The following MON1B variants were observed in gnomAD, a reference collection of about 807,000 sequenced individuals.
The protein encoded by MON1B is vacuolar fusion protein MON1 homolog B.
MON1B carries 26 observed loss-of-function variants against 45.1 expected under a neutral mutation model. The observed-to-expected ratio is 0.58, with a 90% CI of 0.42 to 0.80. The LOEUF is 0.80. MON1B is among the 30% of genes least tolerant of loss of function. The probability of loss-of-function intolerance (pLI) is 0.00; values close to 1 mark genes in which losing one functional copy is unlikely to be tolerated. For synonymous variants in MON1B, 395 were observed against 320.2 expected (o/e 1.23, Z -2.49); for missense variants, 737 against 754.5 (o/e 0.98, Z 0.27).
chr16:77,195,095 C>T lies in MON1B; in HGVS notation c.1236C>T (p.His412=), dbSNP rs202012796. The part of the protein sequence containing the change: ...VQAVGAPGLR[H]FLYKPLDIPD... ...CTGTCGGGGCGCCGGGCCTCCGGCACTTCCTGTATAAGCCGCTGGACATCC... is the reference window on the plus strand; with the variant it reads ...CTGTCGGGGCGCCGGGCCTCCGGCATTTCCTGTATAAGCCGCTGGACATCC... The change falls in exon 4 of 6, where the codon CAC becomes CAT. Residue 412 remains histidine (H), a synonymous_variant. Coordinates refer to ENST00000248248, the MANE Select transcript of MON1B (RefSeq NM_014940.4). 46 of 1,602,276 alleles carry T rather than the reference C, an allele frequency of 2.9e-5. No homozygotes were observed. The Admixed American group carries it at 6.2e-4, about 21-fold the overall frequency.
chr16:77,194,427 C>T lies in MON1B; in HGVS notation c.568C>T (p.Leu190=). The T allele has an allele frequency of 1.9e-6, 3 of 1,614,026 alleles. No homozygotes were observed. Among genetic ancestry groups the T allele is most frequent in the Middle Eastern group, 1.6e-4 (1 of 6,062 alleles). Residue 190 remains leucine, a synonymous_variant, in exon 4 of 6, where the codon CTG becomes TTG. Coordinates refer to ENST00000248248, the MANE Select transcript of MON1B (RefSeq NM_014940.4). The surrounding 1 kb of genome is among the most constrained non-coding windows in gnomAD (Gnocchi z 8.1). ...SQSAAQLRGE[L]LAVHAQIVST... ...GTCAGCAGCCCAGCTGCGGGGGGAG[C>T]TGCTAGCTGTGCACGCACAGATCGT...
intron 5 of MON1B, 76 bp downstream of exon 5, chr16:77,195,758 C>T: frequency 1.3e-6 from 2 of 1,551,006 alleles, no homozygotes; most frequent in Non-Finnish European, 1.8e-6. Flanking sequence ...CCCCTCCAGC[C>T]ACAGTGCCTC....
At chr16:77,197,644 G>A (rs1010958810) in intron 5 of MON1B, among the ~76,000 whole-genome samples, 1 of 152,086 alleles carries the variant, frequency 6.6e-6, no homozygotes, top group African/African-American at 2.4e-5. Context: ...GGGAGTGAAG[G>A]GGAGCGCTCT....
chr16:77,194,644 G>C lies in MON1B; in HGVS notation c.785G>C (p.Gly262Ala). Residue 262 changes from glycine (G) to alanine (A), a missense_variant, in exon 4 of 6, where the codon GGT (glycine) becomes GCT (alanine). By Grantham distance (60) the Gly-to-Ala change is moderately conservative. Transcript: ENST00000248248. This position sits in a 1 kb window ranked among gnomAD's most constrained non-coding sequence, Gnocchi z 8.1. ...GCCCGCCCGCTGCGAGACGCACTAGGTGCGCTCCTCCGACGTTGCACAGCG... is the reference window on the plus strand; with the variant it reads ...GCCCGCCCGCTGCGAGACGCACTAGCTGCGCTCCTCCGACGTTGCACAGCG... Reference protein sequence around the residue: ...PLARPLRDALGALLRRCTAPG... With the variant: ...PLARPLRDALAALLRRCTAPG... 6.2e-7 allele frequency: 1 copy of C among 1,613,828 alleles called. No homozygotes were observed. Among genetic ancestry groups the C allele is most frequent in the Non-Finnish European group, 8.5e-7 (1 of 1,179,914 alleles).
Position 77,191,467 on chromosome 16 carries a change from C to T in MON1B, c.-10-9C>T. On this transcript the variant is annotated splice_polypyrimidine_tract_variant and intron_variant, in intron 1 of 5. Coordinates refer to ENST00000248248, the MANE Select transcript of MON1B (RefSeq NM_014940.4). ...ACCGCCCGTCACCCTCGATTCCCCT[C>T]CCACTCAGGGATGTGCAGATGGAGG... 1 of 1,588,646 alleles carries T rather than the reference C, an allele frequency of 6.3e-7. No individual in the cohort carries two copies.
Position 77,193,489 on chromosome 16 carries a change from C to A in MON1B, c.187C>A (p.Pro63Thr). Residue 63 changes from proline to threonine, a missense_variant, in exon 3 of 6, where the codon CCG becomes ACG. Coordinates refer to ENST00000248248, the MANE Select transcript of MON1B (RefSeq NM_014940.4). This position sits in a 1 kb window ranked among gnomAD's most constrained non-coding sequence, Gnocchi z 5.0. ...DKDQPPSPSP[P>T]PQSEALSSTS... The stretch of plus-strand genomic sequence containing the variant: ...GGACCAGCCACCCAGCCCATCACCA[C>A]CGCCCCAGTCAGAGGCCCTGTCAAG... 5.7e-6 allele frequency: 9 copies of A among 1,592,402 alleles called. No individual in the cohort carries two copies. The highest frequency in any genetic ancestry group is 7.7e-6 in the Non-Finnish European group (9 of 1,167,432).
Position 77,195,699 on chromosome 16 carries a change from T to G in MON1B, c.1443+17T>G. ...CTGGCCTGGGTAAGTTGGGCAGGGC[T>G]CTGAGTGAATTAATTCCCCACTTCA... is the stretch of plus-strand genomic sequence containing the variant. On this transcript the variant is annotated intron_variant, in intron 5 of 5. Coordinates refer to ENST00000248248, the MANE Select transcript of MON1B (RefSeq NM_014940.4). 6.2e-7 allele frequency: 1 copy of G among 1,613,274 alleles called. No individual in the cohort carries two copies. Among genetic ancestry groups the G allele is most frequent in the Non-Finnish European group, 8.5e-7 (1 of 1,179,462 alleles).
In MON1B at chr16:77,194,122, T is replaced by C; in HGVS notation, c.476-213T>C. 1.6e-6 allele frequency: 1 copy of C among 639,226 alleles called. No individual in the cohort carries two copies. The highest frequency in any genetic ancestry group is 1.8e-5 in the South Asian group (1 of 55,460). The allele number at this position is 639,226 out of a possible 1,614,324, so 39.6% of individuals were successfully genotyped here. On this transcript the variant is annotated intron_variant, in intron 3 of 5. Transcript: ENST00000248248. The surrounding 1 kb of genome is among the most constrained non-coding windows in gnomAD (Gnocchi z 8.1). ...CTGCCCGTGGTCTTTGCTGTGTATC[T>C]AACCTACTTGTTCCTTTGTCCATCC...
In MON1B at chr16:77,199,427, T is replaced by C; in HGVS notation, c.*1119T>C. 1 of 1,551,078 alleles carries C rather than the reference T, an allele frequency of 6.4e-7. No individual in the cohort carries two copies. Among genetic ancestry groups the C allele is most frequent in the African/African-American group, 1.4e-5 (1 of 73,108 alleles). Reference sequence around the variant, plus strand: ...TTTTTAACCAGTCATCAAGCGAGGCTCGCGCGCAGGCCCCGCGTTGGAAAA... The same window carrying C: ...TTTTTAACCAGTCATCAAGCGAGGCCCGCGCGCAGGCCCCGCGTTGGAAAA... On this transcript the variant is annotated 3_prime_UTR_variant, in exon 6 of 6. Transcript: ENST00000248248.
In MON1B at chr16:77,199,458, G is replaced by A. The variant is rs1168096720; in HGVS notation, c.*1150G>A. ...GCAGGCCCCGCGTTGGAAAATGGCG[G>A]GGAAGCTGAAACCTCTGAATGTGGA... On this transcript the variant is annotated 3_prime_UTR_variant, in exon 6 of 6. Transcript: ENST00000248248. 10 of 1,551,422 alleles carry A rather than the reference G, an allele frequency of 6.4e-6. No individual in the cohort carries two copies. Among genetic ancestry groups the A allele is most frequent in the African/African-American group, 1.4e-5 (1 of 73,050 alleles).
chr16:77,201,805 T>A lies in MON1B; in HGVS notation c.*3497T>A, dbSNP rs1331424184. The A allele has an allele frequency of 6.6e-6, 1 of 152,230 alleles. No homozygotes were observed. Among genetic ancestry groups the A allele is most frequent in the East Asian group, 1.9e-4 (1 of 5,180 alleles). The allele number at this position is 152,230 out of a possible 1,614,324, so 9.4% of individuals were successfully genotyped here. A position where few individuals can be genotyped will look rare whatever the true frequency, so the allele number is the denominator to read the frequency against. On this transcript the variant is annotated 3_prime_UTR_variant, in exon 6 of 6. Transcript: ENST00000248248. ...AATGTATTAAATTATAAGTTCTAATTTAAATGTATTAAAATTAAATTATAA... is the reference window on the plus strand; with the variant it reads ...AATGTATTAAATTATAAGTTCTAATATAAATGTATTAAAATTAAATTATAA...
Position 77,200,113 on chromosome 16 carries a change from C to T in MON1B, c.*1805C>T, listed in dbSNP as rs1417169359. 2.7e-5 allele frequency: 4 copies of T among 150,650 alleles called. No homozygotes were observed. Among genetic ancestry groups the T allele is most frequent in the Non-Finnish European group, 5.9e-5 (4 of 67,638 alleles). 9.3% of individuals were successfully genotyped at this position (150,650 alleles called of 1,614,324 possible). ...TTGGGAGGCCGAGGCGGGCGGATCACGAGGTTAGGAGTTCGAGGCCAGCCT... is the reference window on the plus strand; with the variant it reads ...TTGGGAGGCCGAGGCGGGCGGATCATGAGGTTAGGAGTTCGAGGCCAGCCT... On this transcript the variant is annotated 3_prime_UTR_variant, in exon 6 of 6. Coordinates refer to ENST00000248248, the MANE Select transcript of MON1B (RefSeq NM_014940.4).
At position 77,194,462 on chromosome 16, in the gene MON1B, T is replaced by C. The variant is rs1483567616; in HGVS notation, c.603T>C (p.Leu201=). The C allele has an allele frequency of 7.4e-6, 12 of 1,613,946 alleles. No individual in the cohort carries two copies. Among genetic ancestry groups the C allele is most frequent in the African/African-American group, 2.7e-5 (2 of 74,912 alleles). Residue 201 remains leucine (L), a synonymous_variant, in exon 4 of 6, where the codon CTT becomes CTC. Coordinates refer to ENST00000248248, the MANE Select transcript of MON1B (RefSeq NM_014940.4). This position sits in a 1 kb window ranked among gnomAD's most constrained non-coding sequence, Gnocchi z 8.1. ...TGCACGCACAGATCGTGAGCACACTTACACGTGCAAGTGTCGCCCGCATCT... is the reference window on the plus strand; with the variant it reads ...TGCACGCACAGATCGTGAGCACACTCACACGTGCAAGTGTCGCCCGCATCT... The part of the protein sequence containing the change: ...LAVHAQIVST[L]TRASVARIFA...
rs2054751676 is a variant in MON1B at position 77,202,338 on chromosome 16, C to T, written c.*4030C>T. On this transcript the variant is annotated 3_prime_UTR_variant, in exon 6 of 6. Coordinates refer to ENST00000248248, the MANE Select transcript of MON1B (RefSeq NM_014940.4). ...TAAGGACAAAATGGGAGCACTGTGG[C>T]CTATTTTTACAACTTTTGTGTACAT... is the stretch of plus-strand genomic sequence containing the variant. 1 of 152,104 alleles carries T rather than the reference C, an allele frequency of 6.6e-6. No homozygotes were observed. Among genetic ancestry groups the T allele is most frequent in the Non-Finnish European group, 1.5e-5 (1 of 68,020 alleles). The allele number at this position is 152,104 out of a possible 1,614,324, so 9.4% of individuals were successfully genotyped here.
rs996698742 is a variant in MON1B, at chr16:77,199,707, A to G, written c.*1399A>G. On this transcript the variant is annotated 3_prime_UTR_variant, in exon 6 of 6. Transcript: ENST00000248248. ...ATAAATTAACAGGCATATTCTTATC[A>G]CCGAGATTAACTTTTGTCAACTGTA... 2 of 531,292 alleles carry G rather than the reference A, an allele frequency of 3.8e-6. No individual in the cohort carries two copies. The highest frequency in any genetic ancestry group is 3.4e-5 in the Admixed American group (1 of 29,222). 32.9% of individuals were successfully genotyped at this position (531,292 alleles called of 1,614,324 possible).
chr16:77,194,137 T>G lies in MON1B; in HGVS notation c.476-198T>G. Reference sequence around the variant, plus strand: ...GCTGTGTATCTAACCTACTTGTTCCTTTGTCCATCCCATCATGTCTCTGCA... The same window carrying G: ...GCTGTGTATCTAACCTACTTGTTCCGTTGTCCATCCCATCATGTCTCTGCA... On this transcript the variant is annotated intron_variant, in intron 3 of 5. Transcript: ENST00000248248. This position sits in a 1 kb window ranked among gnomAD's most constrained non-coding sequence, Gnocchi z 8.1. 1.5e-6 allele frequency: 1 copy of G among 664,396 alleles called. No homozygotes were observed. The highest frequency in any genetic ancestry group is 2.7e-6 in the Non-Finnish European group (1 of 372,054). 41.2% of individuals were successfully genotyped at this position (664,396 alleles called of 1,614,324 possible).
intron 5 of MON1B, among the ~76,000 whole-genome samples, chr16:77,195,962 T>G (rs779479486): frequency 6.6e-6 from 1 of 152,190 alleles, no homozygotes; most frequent in Non-Finnish European, 1.5e-5. Flanking sequence ...CCCCATTAAC[T>G]ACCACTGCTG....
rs1003340977 is a variant in MON1B at position 77,200,253 on chromosome 16, T to A, written c.*1945T>A. On this transcript the variant is annotated 3_prime_UTR_variant, in exon 6 of 6. Coordinates refer to ENST00000248248, the MANE Select transcript of MON1B (RefSeq NM_014940.4). ...GTGTGTATATATATATATATGTATA[T>A]GTGTATATATATATATATGTGTATA... The A allele has an allele frequency of 3.1e-5, 3 of 97,546 alleles. No individual in the cohort carries two copies. The highest frequency in any genetic ancestry group is 6.6e-5 in the Non-Finnish European group (3 of 45,334). The allele number at this position is 97,546 out of a possible 1,614,324, so 6.0% of individuals were successfully genotyped here.
In MON1B at chr16:77,201,408, C is replaced by T. The variant is rs1427356303; in HGVS notation, c.*3100C>T. On this transcript the variant is annotated 3_prime_UTR_variant, in exon 6 of 6. Transcript: ENST00000248248. ...GCAAAGGAAAAATTGAAGGATGTAT[C>T]AAGTTGCCATTTCTAGCCCATCAAA... 1 of 152,152 alleles carries T rather than the reference C, an allele frequency of 6.6e-6. No homozygotes were observed. The highest frequency in any genetic ancestry group is 2.4e-5 in the African/African-American group (1 of 41,432). The allele number at this position is 152,152 out of a possible 1,614,324, so 9.4% of individuals were successfully genotyped here. A position where few individuals can be genotyped will look rare whatever the true frequency, so the allele number is the denominator to read the frequency against.
Sources: gnomAD v4.1 joint callset for allele counts (sites outside exome capture counted in the v4.1 genomes callset) on GRCh38, gnomAD v4.1.1 for gene constraint, Gnocchi (gnomAD v3.1) non-coding constraint, MANE v1.5 for transcripts, NCBI Gene and HGNC (gene_info 2026-07-23, HGNC 2026-07-21) for gene names.